RTL9: variants seen among roughly 807,000 people sequenced by gnomAD.
The protein encoded by RTL9 is retrotransposon Gag like 9.
A neutral mutation model predicts 44.7 loss-of-function variants in RTL9; 19 were observed. The ratio of observed to expected loss-of-function variants is 0.42; its 90% CI spans 0.30 to 0.62. The LOEUF is 0.62. Among genes scored for constraint, RTL9 ranks in the 20% least tolerant of loss-of-function variants. The pLI, the probability that RTL9 is intolerant of heterozygous loss-of-function variation, is 0.16. For synonymous variants in RTL9, 407 were observed against 398.9 expected, an observed-to-expected ratio of 1.02 and a Z score of -0.24; for missense variants, 1,105 against 1,080.6, an observed-to-expected ratio of 1.02 and a Z score of -0.32.
intron 1 of RTL9, among the ~76,000 whole-genome samples, chrX:110,420,324 G>A (rs2068707970): frequency 8.9e-6 from 1 of 112,168 alleles, no homozygotes; most frequent in Non-Finnish European, 1.9e-5. Flanking sequence ...AGGAATATTC[G>A]TTGAATGAGC....
chrX:110,402,046 C>T (rs2068568925), intron 1 of RTL9, among the ~76,000 whole-genome samples: 2 of 112,270 alleles, frequency 1.8e-5, no homozygotes, highest in Non-Finnish European at 3.8e-5. Flanking sequence ...CCAGTACGCT[C>T]AACCTTTGGC....
intron 1 of RTL9, among the ~76,000 whole-genome samples, chrX:110,393,967 C>T (rs1240204129): frequency 8.9e-6 from 1 of 112,282 alleles, no homozygotes; most frequent in Non-Finnish European, 1.9e-5. Flanking sequence ...ATAAATGACA[C>T]GATAGGAAAG....
chrX:110,384,757 G>A (rs1448484767), intron 1 of RTL9, among the ~76,000 whole-genome samples: 2 of 110,602 alleles, frequency 1.8e-5, no homozygotes, highest in Non-Finnish European at 3.8e-5. Flanking sequence ...GGATTTGCCC[G>A]AACCCCCCAC....
chrX:110,375,243 A>G (rs1480636210), intron 1 of RTL9, among the ~76,000 whole-genome samples: 3 of 112,248 alleles, frequency 2.7e-5, no homozygotes, highest in Non-Finnish European at 5.6e-5. Context: ...AGTGGGAAAT[A>G]TAAGAAAGAA....
At chrX:110,454,309 A>T in exon 1 of RTL9, 1 of 1,211,848 alleles carries the variant, frequency 8.3e-7, no homozygotes, top group African/African-American at 1.7e-5. Context: ...TCCCTATCTG[A>T]GATAGACATC....
chrX:110,369,829 G>C (rs2068325048), intron 1 of RTL9, among the ~76,000 whole-genome samples: 1 of 111,328 alleles, frequency 9.0e-6, no homozygotes, highest in African/African-American at 3.3e-5. Flanking sequence ...AGCTACAGTT[G>C]TATCAGTATG....
chrX:110,396,956 T>G (rs2068532692), intron 1 of RTL9, among the ~76,000 whole-genome samples: 1 of 111,856 alleles, frequency 8.9e-6, no homozygotes. Context: ...ACAGGCAGGC[T>G]GGCCACACCC....
At chrX:110,453,743 G>A in exon 1 of RTL9, 1 of 1,211,216 alleles carries the variant, frequency 8.3e-7, no homozygotes, top group Non-Finnish European at 1.1e-6. Context: ...CGATGCCCAT[G>A]CCACTACCAA....
intron 1 of RTL9, among the ~76,000 whole-genome samples, chrX:110,431,265 A>T (rs928328512): frequency 1.1e-4 from 12 of 110,341 alleles, no homozygotes; most frequent in Non-Finnish European, 1.7e-4. Flanking sequence ...TGCAGTGATC[A>T]TGGGGACAGG....
intron 1 of RTL9, among the ~76,000 whole-genome samples, chrX:110,444,275 G>C (rs935726728): frequency 8.9e-6 from 1 of 112,749 alleles, no homozygotes; most frequent in South Asian, 3.7e-4. Flanking sequence ...CATTCCTGTG[G>C]ATACTTTATC....
upstream of RTL9, among the ~76,000 whole-genome samples, chrX:110,449,281 A>G (rs978329394): frequency 3.6e-5 from 4 of 112,023 alleles, no homozygotes; most frequent in Non-Finnish European, 7.5e-5. Flanking sequence ...TGCTATGGGA[A>G]CCACATGAGA....
intron 1 of RTL9, among the ~76,000 whole-genome samples, chrX:110,434,290 C>A (rs962114210): frequency 1.8e-5 from 2 of 111,444 alleles, no homozygotes; most frequent in Non-Finnish European, 3.8e-5. Flanking sequence ...GTTCTGTGAG[C>A]AAGAGGGAGC....
At chrX:110,439,524 A>G (rs1490158664) in intron 1 of RTL9, among the ~76,000 whole-genome samples, 1 of 112,231 alleles carries the variant, frequency 8.9e-6, no homozygotes, top group Non-Finnish European at 1.9e-5. Context: ...CTGTGCTCAC[A>G]ATAATAGCTG....
chrX:110,415,698 T>G (rs1243128029), upstream of RTL9, among the ~76,000 whole-genome samples: 1 of 111,192 alleles, frequency 9.0e-6, no homozygotes, highest in East Asian at 2.8e-4. Context: ...TCCAAGCTCC[T>G]GGGTTGAGGT....
chrX:110,363,901 A>T (rs1166764529), intron 1 of RTL9, among the ~76,000 whole-genome samples: 1 of 112,118 alleles, frequency 8.9e-6, no homozygotes, highest in African/African-American at 3.2e-5. Context: ...TCCATTTTCA[A>T]ATGACGGAAC....
At chrX:110,453,308 G>A in exon 1 of RTL9, 1 of 1,211,782 alleles carries the variant, frequency 8.3e-7, no homozygotes, top group Non-Finnish European at 1.1e-6. Flanking sequence ...CTGGAGGGGT[G>A]TCCTCACCAC....
upstream of RTL9, among the ~76,000 whole-genome samples, chrX:110,414,458 T>C (rs979802447): frequency 2.7e-5 from 3 of 112,676 alleles, no homozygotes; most frequent in Non-Finnish European, 3.8e-5. Context: ...GAGTGTCTTC[T>C]AGGTACCAGC....
intron 1 of RTL9, among the ~76,000 whole-genome samples, chrX:110,413,743 T>C (rs2148312502): frequency 9.1e-6 from 1 of 110,470 alleles, no homozygotes; most frequent in Non-Finnish European, 1.9e-5. Flanking sequence ...GGCTCTCCAG[T>C]TTTTTGAGCC....
At chrX:110,374,611 G>A (rs767546159) in intron 1 of RTL9, among the ~76,000 whole-genome samples, 6 of 111,956 alleles carry the variant, frequency 5.4e-5, no homozygotes, top group Admixed American at 9.5e-5. Flanking sequence ...TAGAAGTAGG[G>A]CTATTAAGAC....
Sources: gnomAD v4.1 joint callset for allele counts (sites outside exome capture counted in the v4.1 genomes callset) on GRCh38, gnomAD v4.1.1 for gene constraint, MANE v1.5 for transcripts, NCBI Gene and HGNC (gene_info 2026-07-23, HGNC 2026-07-21) for gene names.